Variants in ARL1 observed in about 807,000 individuals in gnomAD.
The protein encoded by ARL1 is ADP-ribosylation factor-like protein 1.
ARL1 carries 17 observed loss-of-function variants against 30.1 expected under a neutral mutation model. The ratio of observed to expected loss-of-function variants is 0.56; its 90% confidence interval spans 0.39 to 0.85. ARL1 has a LOEUF of 0.85. ARL1 is among the 40% of genes least tolerant of loss of function. ARL1 has a pLI of 0.00. For synonymous variants in ARL1, 58 were observed against 71.7 expected (o/e 0.81, Z 0.97); for missense variants, 102 against 212.6 (o/e 0.48, Z 3.24).
At chr12:101,402,815 GAATC>G (rs768801880) in intron 3 of ARL1, 46 bp downstream of exon 3, 2 of 1,318,698 alleles carry the variant, frequency 1.5e-6, no homozygotes, top group Admixed American at 3.5e-5. Context: ...ACCCTTAAAA[GAATC>G]AATAAATGTC....
chr12:101,397,649 G>A (rs1214339978), intron 4 of ARL1, among the ~76,000 whole-genome samples: 1 of 151,922 alleles, frequency 6.6e-6, no homozygotes, highest in Non-Finnish European at 1.5e-5. Context: ...ACAGGTGCCC[G>A]CTGCCACGCC....
At position 101,393,185 on chromosome 12, in the gene ARL1, GCAC is replaced by G. The variant is rs1271473950; in HGVS notation, c.*2452_*2454del. ...ATTGAGTGCCTACTGTGTGCCAGGT[GCAC>G]CACACTAGATGCAACGGATACTAAC... On this transcript the variant is annotated 3_prime_UTR_variant, in exon 6 of 6. Transcript: ENST00000261636. 1 of 151,930 alleles carries G rather than the reference GCAC, an allele frequency of 6.6e-6. No individual in the cohort carries two copies. Among genetic ancestry groups the G allele is most frequent in the African/African-American group, 2.4e-5 (1 of 41,350 alleles). 9.4% of individuals were successfully genotyped at this position (151,930 alleles called of 1,614,324 possible).
At chr12:101,406,826 C>G (rs977380559) in intron 1 of ARL1, among the ~76,000 whole-genome samples, 5 of 152,064 alleles carry the variant, frequency 3.3e-5, no homozygotes, top group Non-Finnish European at 7.4e-5. Context: ...AGAGGCGGAA[C>G]AAAACTGAAG....
intron 1 of ARL1, 40 bp downstream of exon 1, chr12:101,407,587 GCCCTCGGCCGCGGCT>G: frequency 6.2e-7 from 1 of 1,604,442 alleles, no homozygotes; most frequent in African/African-American, 1.3e-5. Flanking sequence ...CTGCACCCCA[GCCCTCGGCCGCGGCT>G]CCCTCGAGCG....
chr12:101,407,794 C>T (rs1871493264), upstream of ARL1: 7 of 1,152,294 alleles, frequency 6.1e-6, no homozygotes, highest in East Asian at 2.4e-5. Context: ...GCTGCGACTG[C>T]GCGCCGGGAA....
intron 5 of ARL1, 85 bp downstream of exon 5, chr12:101,396,314 A>T (rs759390187): frequency 6.4e-7 from 1 of 1,551,520 alleles, no homozygotes; most frequent in South Asian, 1.1e-5. Context: ...TTTCATCCTC[A>T]ACACGGGAGA....
chr12:101,399,310 G>A (rs1871237175), intron 4 of ARL1, among the ~76,000 whole-genome samples: 1 of 151,868 alleles, frequency 6.6e-6, no homozygotes. Context: ...TCAGGAGTTC[G>A]AGACCAGCCT....
At chr12:101,404,870 A>AT (rs1189260918) in intron 2 of ARL1, among the ~76,000 whole-genome samples, 2 of 152,128 alleles carry the variant, frequency 1.3e-5, no homozygotes, top group East Asian at 3.9e-4. Context: ...AAATATATAC[A>AT]TATACACATA....
In ARL1 at chr12:101,393,173, T is replaced by A. The variant is rs1376508406; in HGVS notation, c.*2467A>T. ...CAATACATATTTATTGAGTGCCTAC[T>A]GTGTGCCAGGTGCACCACACTAGAT... is the stretch of plus-strand genomic sequence containing the variant. On this transcript the variant is annotated 3_prime_UTR_variant, in exon 6 of 6. Transcript: ENST00000261636. The A allele has an allele frequency of 6.6e-6, 1 of 152,186 alleles. No homozygotes were observed. The highest frequency in any genetic ancestry group is 1.5e-5 in the Non-Finnish European group (1 of 68,038). 9.4% of individuals were successfully genotyped at this position (152,186 alleles called of 1,614,324 possible). A position where few individuals can be genotyped will look rare whatever the true frequency, so the allele number is the denominator to read the frequency against.
chr12:101,398,055 A>G (rs1488305479), intron 4 of ARL1, among the ~76,000 whole-genome samples: 1 of 151,778 alleles, frequency 6.6e-6, no homozygotes, highest in African/African-American at 2.4e-5. Flanking sequence ...TATAATTTTC[A>G]TTTTTTACAT....
Position 101,396,487 on chromosome 12 carries a change from G to A in ARL1, c.427C>T (p.Leu143Phe). 1.2e-6 allele frequency: 2 copies of A among 1,613,976 alleles called. No homozygotes were observed. The highest frequency in any genetic ancestry group is 1.7e-6 in the Non-Finnish European group (2 of 1,179,884). ...CGGTCCTTCAAGGCAGGTAACCCAA[G>A]TGAATTTGCCATCTCTGAGGAAGTC... ...AMTSSEMANS[L>F]GLPALKDRKW... is the part of the protein sequence containing the mutation. Residue 143 changes from leucine (L) to phenylalanine (F), a missense_variant, in exon 5 of 6, where the codon CTT becomes TTT. Leu to Phe is a conservative substitution (Grantham distance 22, BLOSUM62 0). Coordinates refer to ENST00000261636, the MANE Select transcript of ARL1 (RefSeq NM_001177.6).
Position 101,393,780 on chromosome 12 carries a change from C to T in ARL1, c.*1860G>A, listed in dbSNP as rs1235633978. 6.6e-6 allele frequency: 1 copy of T among 152,100 alleles called. No individual in the cohort carries two copies. The highest frequency in any genetic ancestry group is 1.5e-5 in the Non-Finnish European group (1 of 68,046). 9.4% of individuals were successfully genotyped at this position (152,100 alleles called of 1,614,324 possible). A position where few individuals can be genotyped will look rare whatever the true frequency, so the allele number is the denominator to read the frequency against. On this transcript the variant is annotated 3_prime_UTR_variant, in exon 6 of 6. Coordinates refer to ENST00000261636, the MANE Select transcript of ARL1 (RefSeq NM_001177.6). Reference sequence around the variant, plus strand: ...TCCCATTTTTTGCAGTTTTCCTGGACTGCCGGGAGGCAGCTGTACAAGCTT... The same window carrying T: ...TCCCATTTTTTGCAGTTTTCCTGGATTGCCGGGAGGCAGCTGTACAAGCTT...
At position 101,393,820 on chromosome 12, in the gene ARL1, T is replaced by A. The variant is rs1448861560; in HGVS notation, c.*1820A>T. On this transcript the variant is annotated 3_prime_UTR_variant, in exon 6 of 6. Transcript: ENST00000261636. The stretch of plus-strand genomic sequence containing the variant: ...TGTACAAGCTTTATAAGCCTCAGGC[T>A]GTAAGTGAACTTGCTTTCTGCATTT... The A allele has an allele frequency of 2.0e-5, 3 of 152,308 alleles. No homozygotes were observed. In the South Asian group the frequency reaches 6.2e-4, roughly 32 times the overall value. 9.4% of individuals were successfully genotyped at this position (152,308 alleles called of 1,614,324 possible). A position where few individuals can be genotyped will look rare whatever the true frequency, so the allele number is the denominator to read the frequency against.
At position 101,402,726 on chromosome 12, in the gene ARL1, T is replaced by C. The variant is rs1039937416; in HGVS notation, c.224+139A>G. The C allele has an allele frequency of 5.9e-5, 29 of 494,934 alleles. 1 individual carries two copies. In the South Asian group the frequency reaches 1.2e-3, roughly 21 times the overall value. 30.7% of individuals were successfully genotyped at this position (494,934 alleles called of 1,614,324 possible). A position where few individuals can be genotyped will look rare whatever the true frequency, so the allele number is the denominator to read the frequency against. ...CTCAATGGATGCTCTAAGGAAATAG[T>C]TCCCAATTTTACCTCATTTTAAACT... On this transcript the variant is annotated intron_variant, in intron 3 of 5. Transcript: ENST00000261636.
intron 4 of ARL1, among the ~76,000 whole-genome samples, chr12:101,398,669 C>T (rs79167981): frequency 0.18 from 27,072 of 151,668 alleles, 2,991 homozygotes; most frequent in East Asian, 0.37. Flanking sequence ...AACTCCTGAC[C>T]TGAAGTGATC....
In ARL1 at chr12:101,401,143, T is replaced by G. The variant is rs957527208; in HGVS notation, c.255A>C (p.Thr85=). The change falls in exon 4 of 6, where the codon ACA becomes ACC. Residue 85 remains threonine (T), a synonymous_variant. Transcript: ENST00000261636. ...RPYWRCYYSN[T]DAVIYVVDSC... is the part of the protein sequence containing the mutation. Reference sequence around the variant, plus strand: ...TGTCTACTACATAAATGACTGCATCTGTGTTTGAATAGTAACATCTCCAGT... The same window carrying G: ...TGTCTACTACATAAATGACTGCATCGGTGTTTGAATAGTAACATCTCCAGT... The G allele has an allele frequency of 6.2e-7, 1 of 1,613,588 alleles. No homozygotes were observed. The highest frequency in any genetic ancestry group is 8.5e-7 in the Non-Finnish European group (1 of 1,179,666).
At chr12:101,402,386 A>G (rs1565815834) in intron 3 of ARL1, among the ~76,000 whole-genome samples, 1 of 152,122 alleles carries the variant, frequency 6.6e-6, no homozygotes, top group African/African-American at 2.4e-5. Context: ...ACGAGGTTTC[A>G]CCATGTTGGT....
chr12:101,396,252 TGA>T, intron 5 of ARL1, 145 bp downstream of exon 5: 1 of 988,372 alleles, frequency 1.0e-6, no homozygotes, highest in Non-Finnish European at 1.6e-6. Context: ...TGAAGACCAG[TGA>T]GAGAAAACGC....
At chr12:101,401,501 T>TG (rs2121117215) in intron 3 of ARL1, 1 of 157,934 alleles carries the variant, frequency 6.3e-6, no homozygotes, top group African/African-American at 2.4e-5. Context: ...CTGGACATGG[T>TG]GGCAGGTGCC....
Sources: allele counts gnomAD v4.1 joint callset (sites outside exome capture counted in the v4.1 genomes callset), GRCh38; gene constraint gnomAD v4.1.1; transcripts MANE v1.5; gene names NCBI Gene and HGNC (gene_info 2026-07-23, HGNC 2026-07-21).